PATJ: variants seen among roughly 807,000 people sequenced by gnomAD.
PATJ encodes PATJ crumbs cell polarity complex component.
A neutral mutation model predicts 224.9 loss-of-function variants in PATJ; 190 were observed. That is an observed-to-expected ratio of 0.84 (90% CI 0.75 to 0.95). The LOEUF is 0.95. PATJ is among the 40% of genes least tolerant of loss of function. PATJ has a pLI of 0.00. For synonymous variants in PATJ, 769 were observed against 820.3 expected (o/e 0.94, Z 1.07); for missense variants, 2,121 against 2,270.3 (o/e 0.93, Z 1.34).
At chr1:61,983,868 A>G (rs973939935) in intron 27 of PATJ, among the ~76,000 whole-genome samples, 3 of 152,038 alleles carry the variant, frequency 2.0e-5, no homozygotes, top group Non-Finnish European at 2.9e-5. Context: ...TCTGTCACCC[A>G]GGCTGGAGTG....
chr1:61,917,358 C>T (rs2149245859), intron 26 of PATJ, among the ~76,000 whole-genome samples: 1 of 152,264 alleles, frequency 6.6e-6, no homozygotes, highest in South Asian at 2.1e-4. Context: ...TGGCTTCAAT[C>T]AGGTTAAGGA....
chr1:62,011,333 T>G (rs1646435281), intron 28 of PATJ, among the ~76,000 whole-genome samples: 1 of 152,216 alleles, frequency 6.6e-6, no homozygotes, highest in African/African-American at 2.4e-5. Context: ...ACTCTTCCTT[T>G]TACTTGAACA....
At chr1:61,918,827 G>A (rs1031934445) in intron 26 of PATJ, among the ~76,000 whole-genome samples, 15 of 152,010 alleles carry the variant, frequency 9.9e-5, no homozygotes, top group Admixed American at 3.3e-4. Context: ...GCTGGGTGTG[G>A]TGGTGTGCAC....
At chr1:61,912,995 C>T (rs1262698719) in intron 25 of PATJ, among the ~76,000 whole-genome samples, 1 of 152,088 alleles carries the variant, frequency 6.6e-6, no homozygotes, top group African/African-American at 2.4e-5. Context: ...TAGCACAGTG[C>T]CTCTTCACAT....
intron 26 of PATJ, among the ~76,000 whole-genome samples, chr1:61,915,515 T>C (rs1358487263): frequency 6.6e-6 from 1 of 152,112 alleles, no homozygotes; most frequent in African/African-American, 2.4e-5. Context: ...TAGAATCAGA[T>C]TATTAAATTC....
chr1:61,845,038 T>C (rs945848987), intron 17 of PATJ, among the ~76,000 whole-genome samples: 4 of 152,184 alleles, frequency 2.6e-5, no homozygotes, highest in African/African-American at 7.2e-5. Flanking sequence ...GGTAAGTATG[T>C]AAGGGAACAA....
At chr1:62,096,582 A>C (rs1371217303) in intron 33 of PATJ, among the ~76,000 whole-genome samples, 1 of 152,156 alleles carries the variant, frequency 6.6e-6, no homozygotes, top group Non-Finnish European at 1.5e-5. Context: ...AATAACAGGA[A>C]AACTAGAAAT....
intron 17 of PATJ, among the ~76,000 whole-genome samples, chr1:61,847,229 G>A (rs1327992943): frequency 6.6e-6 from 1 of 152,062 alleles, no homozygotes; most frequent in Non-Finnish European, 1.5e-5. Context: ...AAAATATTGG[G>A]GTGCTTAAAA....
intron 26 of PATJ, among the ~76,000 whole-genome samples, chr1:61,919,858 TGACATTGGTTGA>T (rs1428968241): frequency 6.6e-6 from 1 of 152,194 alleles, no homozygotes; most frequent in Non-Finnish European, 1.5e-5. Flanking sequence ...ATTAATTCTT[TGACATTGGTTGA>T]GACATGTTTT....
Position 62,163,663 on chromosome 1 carries a change from C to T in PATJ, c.*2609C>T, listed in dbSNP as rs545024161. On this transcript the variant is annotated 3_prime_UTR_variant, in exon 44 of 44. Transcript: ENST00000642238. Reference sequence around the variant, plus strand: ...TCTGTCTCCGCTCACATGACTAATACGTAATTGCCTTTCCAAAAAGATATT... The same window carrying T: ...TCTGTCTCCGCTCACATGACTAATATGTAATTGCCTTTCCAAAAAGATATT... 6.6e-6 allele frequency: 1 copy of T among 152,444 alleles called. No homozygotes were observed. The highest frequency in any genetic ancestry group is 1.9e-4 in the East Asian group (1 of 5,194). 9.4% of individuals were successfully genotyped at this position (152,444 alleles called of 1,614,324 possible).
chr1:62,001,259 T>C (rs1171002536), intron 28 of PATJ, among the ~76,000 whole-genome samples: 2 of 151,832 alleles, frequency 1.3e-5, no homozygotes, highest in Non-Finnish European at 2.9e-5. Flanking sequence ...CATGAAGTCC[T>C]CGCCCATGCC....
intron 39 of PATJ, among the ~76,000 whole-genome samples, chr1:62,125,664 T>G (rs77818065): frequency 5.3e-5 from 8 of 152,344 alleles, no homozygotes; most frequent in Non-Finnish European, 8.8e-5. Flanking sequence ...AAAATAATAT[T>G]CTTTTATATT....
At chr1:61,773,392 G>C (rs1646727452) in intron 6 of PATJ, among the ~76,000 whole-genome samples, 1 of 152,142 alleles carries the variant, frequency 6.6e-6, no homozygotes, top group African/African-American at 2.4e-5. Context: ...AACTGGATGG[G>C]TATGGTGGCT....
chr1:61,849,482 A>T (rs2148877479), intron 17 of PATJ, among the ~76,000 whole-genome samples: 1 of 152,058 alleles, frequency 6.6e-6, no homozygotes, highest in African/African-American at 2.4e-5. Flanking sequence ...GGTCCCAGCT[A>T]CTCAGGAGGC....
At chr1:61,833,845 G>C (rs7519856) in intron 17 of PATJ, 60 bp downstream of exon 17, 1 of 1,494,740 alleles carries the variant, frequency 6.7e-7, no homozygotes, top group Non-Finnish European at 9.0e-7. Flanking sequence ...TAAAGTTATG[G>C]GAAGTAGCAA....
chr1:61,945,386 A>G (rs907785189), intron 27 of PATJ, among the ~76,000 whole-genome samples: 2 of 150,256 alleles, frequency 1.3e-5, no homozygotes, highest in African/African-American at 4.9e-5. Flanking sequence ...AGGAAGATCT[A>G]CCAAGCAAAT....
intron 27 of PATJ, among the ~76,000 whole-genome samples, chr1:61,960,125 C>G (rs1322083179): frequency 6.6e-6 from 1 of 152,024 alleles, no homozygotes; most frequent in Non-Finnish European, 1.5e-5. Flanking sequence ...TTTATATAAA[C>G]CATTTATTTA....
At chr1:61,970,075 T>G (rs113274989) in intron 27 of PATJ, among the ~76,000 whole-genome samples, 116 of 152,214 alleles carry the variant, frequency 7.6e-4, no homozygotes, top group Admixed American at 1.4e-3. Context: ...TTTGTATTTT[T>G]TTTTTTGTTT....
At chr1:61,936,946 A>T (rs1676975092) in intron 27 of PATJ, among the ~76,000 whole-genome samples, 1 of 152,174 alleles carries the variant, frequency 6.6e-6, no homozygotes, top group Non-Finnish European at 1.5e-5. Flanking sequence ...AAATTTCCTA[A>T]TAGCAATAAC....
Sources: allele counts gnomAD v4.1 joint callset (sites outside exome capture counted in the v4.1 genomes callset), GRCh38; gene constraint gnomAD v4.1.1; transcripts MANE v1.5; gene names NCBI Gene and HGNC (gene_info 2026-07-23, HGNC 2026-07-21).